Variants in COL14A1 observed in about 807,000 individuals in gnomAD.
COL14A1 encodes the protein collagen alpha-1(XIV) chain.
In COL14A1, 136 loss-of-function variants were observed where a neutral mutation model predicts 230.3. That is an observed-to-expected ratio of 0.59 (90% CI 0.51 to 0.68). COL14A1 has a LOEUF of 0.68. Ranked by LOEUF, COL14A1 falls within the 30% of genes least tolerant of loss-of-function variation. The pLI, the probability that COL14A1 is intolerant of heterozygous loss-of-function variation, is 0.00. For missense variants in COL14A1, 1,976 were observed against 2,215.8 expected (o/e 0.89, Z 2.17); for synonymous variants, 792 against 784.1 (o/e 1.01, Z -0.17).
chr8:120,166,875 A>AGTGTGTGTGTGTGTGTGTGTGTGTGT (rs4053270), intron 4 of COL14A1, among the ~76,000 whole-genome samples: 5 of 116,974 alleles, frequency 4.3e-5, no homozygotes, highest in African/African-American at 6.5e-5. Flanking sequence ...AAAGAATTTA[A>AGTGTGTGTGTGTGTGTGTGTGTGTGT]GTGTGTGTGT....
At chr8:120,142,450 C>T (rs1814946016) in intron 1 of COL14A1, among the ~76,000 whole-genome samples, 1 of 152,176 alleles carries the variant, frequency 6.6e-6, no homozygotes, top group Admixed American at 6.5e-5. Context: ...TCCCATAGTT[C>T]ATCAACTTTT....
chr8:120,125,598 T>G (rs1175747435), intron 1 of COL14A1, among the ~76,000 whole-genome samples: 5 of 152,060 alleles, frequency 3.3e-5, no homozygotes, highest in Non-Finnish European at 5.9e-5. Context: ...AAATACCATG[T>G]GCTGCTCCGG....
chr8:120,249,316 C>T (rs559064492), intron 21 of COL14A1, among the ~76,000 whole-genome samples: 1 of 151,926 alleles, frequency 6.6e-6, no homozygotes, highest in Non-Finnish European at 1.5e-5. Context: ...TCTTCAGGCC[C>T]GTAAGACTCA....
At chr8:120,202,713 A>C (rs184746078) in intron 8 of COL14A1, among the ~76,000 whole-genome samples, 11 of 152,050 alleles carry the variant, frequency 7.2e-5, no homozygotes, top group Non-Finnish European at 1.5e-4. Context: ...TATGGAAAAC[A>C]CTTACTATGG....
At chr8:120,215,017 A>G (rs1298743915) in intron 13 of COL14A1, among the ~76,000 whole-genome samples, 1 of 152,224 alleles carries the variant, frequency 6.6e-6, no homozygotes, top group Non-Finnish European at 1.5e-5. Flanking sequence ...TGGAAAAGGC[A>G]CGGAGTAGTA....
In COL14A1 at chr8:120,199,350, G is replaced by A. The variant is rs1229949725; in HGVS notation, c.713-52G>A. 2.7e-6 allele frequency: 4 copies of A among 1,474,676 alleles called. No homozygotes were observed. In the African/African-American group the frequency reaches 4.3e-5, roughly 16 times the overall value. 91.3% of individuals were successfully genotyped at this position (1,474,676 alleles called of 1,614,324 possible). On this transcript the variant is annotated intron_variant, in intron 7 of 47. Coordinates refer to ENST00000297848, the MANE Select transcript of COL14A1 (RefSeq NM_021110.4). ...TTGTGGTTATATCTTGAAGAATTAGGAGACTTTTTATTAGAGATAGCTGGT... is the reference window on the plus strand; with the variant it reads ...TTGTGGTTATATCTTGAAGAATTAGAAGACTTTTTATTAGAGATAGCTGGT...
intron 14 of COL14A1, among the ~76,000 whole-genome samples, chr8:120,224,447 C>A (rs1818032719): frequency 6.6e-6 from 1 of 152,104 alleles, no homozygotes; most frequent in Non-Finnish European, 1.5e-5. Flanking sequence ...GAAGCCCAAC[C>A]CACCCATCTT....
rs905183165 is a variant in COL14A1, at chr8:120,283,690, G to C, written c.3879G>C (p.Arg1293=). 6.2e-7 allele frequency: 1 copy of C among 1,613,626 alleles called. No individual in the cohort carries two copies. The highest frequency in any genetic ancestry group is 1.3e-5 in the African/African-American group (1 of 74,894). Residue 1293 remains arginine (R), a synonymous_variant, in exon 32 of 48, where the codon CGG becomes CGC. Coordinates refer to ENST00000297848, the MANE Select transcript of COL14A1 (RefSeq NM_021110.4). ...ACTACACAATCAGTTTTCTATTCCGGATTCTTCCTGACACTCCACAGGAGC... is the reference window on the plus strand; with the variant it reads ...ACTACACAATCAGTTTTCTATTCCGCATTCTTCCTGACACTCCACAGGAGC... ...PSDYTISFLF[R]ILPDTPQEPF...
At chr8:120,360,890 A>G (rs755277743) in intron 45 of COL14A1, among the ~76,000 whole-genome samples, 7 of 152,092 alleles carry the variant, frequency 4.6e-5, no homozygotes, top group Admixed American at 1.3e-4. Flanking sequence ...GGTCAGCCCA[A>G]TGGAAAGCAT....
chr8:120,365,115 A>G (rs551564386), intron 45 of COL14A1, among the ~76,000 whole-genome samples: 1 of 152,256 alleles, frequency 6.6e-6, no homozygotes, highest in East Asian at 1.9e-4. Flanking sequence ...GAAAATTAAA[A>G]CAACCAGATT....
At chr8:120,353,805 A>C (rs2130330778) in intron 45 of COL14A1, among the ~76,000 whole-genome samples, 1 of 152,058 alleles carries the variant, frequency 6.6e-6, no homozygotes, top group African/African-American at 2.4e-5. Flanking sequence ...ACTGTAAACT[A>C]GTTCAACCAT....
intron 33 of COL14A1, among the ~76,000 whole-genome samples, chr8:120,286,393 C>G (rs909676494): frequency 1.3e-5 from 2 of 152,212 alleles, no homozygotes; most frequent in African/African-American, 2.4e-5. Context: ...ACTGATTGCA[C>G]CAATACTTTT....
At position 120,242,905 on chromosome 8, in the gene COL14A1, G is replaced by A. The variant is rs73704130; in HGVS notation, c.2350-974G>A. ...ATAGGTTCCTTCCTTCATCCAGAAG[G>A]AGACAGCATCGCCCTTTGCCTGCTG... On this transcript the variant is annotated intron_variant, in intron 19 of 47. Coordinates refer to ENST00000297848, the MANE Select transcript of COL14A1 (RefSeq NM_021110.4). Among the ~76,000 whole-genome samples, 141 of 152,212 alleles carry A rather than the reference G, an allele frequency of 9.3e-4. 1 individual carries two copies. The highest frequency in any genetic ancestry group is 3.3e-3 in the African/African-American group (135 of 41,534).
chr8:120,152,360 C>T (rs1815315489), intron 2 of COL14A1, among the ~76,000 whole-genome samples: 1 of 148,018 alleles, frequency 6.8e-6, no homozygotes. Flanking sequence ...GTCCTAGCTA[C>T]TAGGGAGGCT....
Position 120,278,255 on chromosome 8 carries a change from G to C in COL14A1, c.3337+21G>C, listed in dbSNP as rs775208094. 11 of 1,589,506 alleles carry C rather than the reference G, an allele frequency of 6.9e-6. No individual in the cohort carries two copies. The South Asian group carries it at 1.3e-4, about 18-fold the overall frequency. On this transcript the variant is annotated intron_variant, in intron 27 of 47. Transcript: ENST00000297848. Reference sequence around the variant, plus strand: ...AACAGGTATGACCAAAAGAAGCCCAGCTAAGGCTCAAAGTAATTCATTATT... The same window carrying C: ...AACAGGTATGACCAAAAGAAGCCCACCTAAGGCTCAAAGTAATTCATTATT...
intron 18 of COL14A1, 138 bp downstream of exon 18, chr8:120,228,907 C>T: frequency 1.4e-6 from 1 of 715,888 alleles, no homozygotes; most frequent in Non-Finnish European, 2.3e-6. Flanking sequence ...GTTCAAATTT[C>T]ACGCCTCTCA....
intron 26 of COL14A1, among the ~76,000 whole-genome samples, chr8:120,270,430 T>G: frequency 6.6e-6 from 1 of 151,748 alleles, no homozygotes; most frequent in East Asian, 1.9e-4. Flanking sequence ...GTGTTATTTT[T>G]ACATACTAGG....
chr8:120,176,347 T>A (rs1335005272), intron 5 of COL14A1, among the ~76,000 whole-genome samples: 22 of 152,154 alleles, frequency 1.4e-4, no homozygotes, highest in Admixed American at 1.4e-3. Flanking sequence ...ATGCCTTCTC[T>A]TGGAGAAGGG....
rs1215187516 is a variant in COL14A1, at chr8:120,281,317, T to C, written c.3824+258T>C. On this transcript the variant is annotated intron_variant, in intron 31 of 47. Transcript: ENST00000297848. ...TGGCTCATTCCTGTAATCGTAACAC[T>C]TTGGGAGGCCAAGGTGGGAGGATCA... 2.6e-5 allele frequency among the ~76,000 whole-genome samples: 4 copies of C among 152,006 alleles called. No homozygotes were observed. In the East Asian group the frequency reaches 7.7e-4, roughly 29 times the overall value.
Sources: allele counts gnomAD v4.1 joint callset (sites outside exome capture counted in the v4.1 genomes callset), GRCh38; gene constraint gnomAD v4.1.1; transcripts MANE v1.5; gene names NCBI Gene and HGNC (gene_info 2026-07-23, HGNC 2026-07-21).